Variants in NOL8 observed in about 807,000 individuals in gnomAD.
The protein encoded by NOL8 is nucleolar protein 8.
Under a neutral mutation model 116.1 loss-of-function variants are expected in NOL8, and 93 were observed. That is an observed-to-expected ratio of 0.80 (90% CI 0.68 to 0.95). The LOEUF (loss-of-function observed/expected upper bound fraction) is 0.95. Ranked by LOEUF, NOL8 falls within the 40% of genes least tolerant of loss-of-function variation. The probability of loss-of-function intolerance (pLI) is 0.00; values close to 1 mark genes in which losing one functional copy is unlikely to be tolerated. For synonymous variants in NOL8, 419 were observed against 469.0 expected (o/e 0.89, Z 1.38); for missense variants, 1,291 against 1,382.8 (o/e 0.93, Z 1.05).
chr9:92,314,425 T>C lies in NOL8; in HGVS notation c.2200A>G (p.Ile734Val). ...PKVSSKDTREIKTDFSLSISN... is the reference protein window; with the variant it reads ...PKVSSKDTREVKTDFSLSISN... ...ATAGAAAGTGAGAAATCAGTTTTGA[T>C]TTCCCGAGTGTCCTTGGATGAGACC... Residue 734 changes from isoleucine to valine, a missense_variant, in exon 7 of 17, where the codon ATC becomes GTC. Ile to Val is a conservative substitution (Grantham distance 29, BLOSUM62 3). Transcript: ENST00000442668. The C allele has an allele frequency of 6.2e-7, 1 of 1,613,574 alleles. No homozygotes were observed. Among genetic ancestry groups the C allele is most frequent in the Non-Finnish European group, 8.5e-7 (1 of 1,179,542 alleles).
chr9:92,313,289 C>T (rs868074961), intron 7 of NOL8, among the ~76,000 whole-genome samples: 3 of 152,154 alleles, frequency 2.0e-5, no homozygotes, highest in African/African-American at 4.8e-5. Flanking sequence ...CGGAGCCGTT[C>T]GATTTGTTTT....
Position 92,314,532 on chromosome 9 carries a change from C to G in NOL8, c.2093G>C (p.Cys698Ser), listed in dbSNP as rs943618152. Residue 698 changes from cysteine to serine, a missense_variant, in exon 7 of 17, where the codon TGC becomes TCC. Cys to Ser is a moderately radical substitution (Grantham distance 112, BLOSUM62 -1). Coordinates refer to ENST00000442668, the MANE Select transcript of NOL8 (RefSeq NM_017948.6). The stretch of plus-strand genomic sequence containing the variant: ...AGCTTCTGTCTTTGTGGTACTATGG[C>G]AGCTGTCTTTGTCAAAGCCTATGTT... Reference protein sequence around the residue: ...THNIGFDKDSCHSTTKTEASQ... With the variant: ...THNIGFDKDSSHSTTKTEASQ... 2 of 1,613,628 alleles carry G rather than the reference C, an allele frequency of 1.2e-6. No homozygotes were observed. The highest frequency in any genetic ancestry group is 3.3e-5 in the Admixed American group (2 of 59,958).
Position 92,315,445 on chromosome 9 carries a change from C to T in NOL8, c.1180G>A (p.Val394Ile), listed in dbSNP as rs1187135322. Reference sequence around the variant, plus strand: ...TGTGAAAATTCTGTACTGTTTTTGACCTTAGCAACATTTTTTTTCATCGCA... The same window carrying T: ...TGTGAAAATTCTGTACTGTTTTTGATCTTAGCAACATTTTTTTTCATCGCA... ...IIAMKKNVAK[V>I]KNSTEFSQME... The change falls in exon 7 of 17, where the codon GTC becomes ATC. Residue 394 changes from valine (V) to isoleucine (I), a missense_variant. Physicochemically the swap from Val to Ile is conservative, Grantham distance 29. Transcript: ENST00000442668. 1 of 1,594,594 alleles carries T rather than the reference C, an allele frequency of 6.3e-7. No individual in the cohort carries two copies. The highest frequency in any genetic ancestry group is 1.3e-5 in the African/African-American group (1 of 74,728).
At chr9:92,305,937 CAAG>C (rs1268853104) in intron 11 of NOL8, 107 bp from the exon 12 acceptor site, 2 of 705,826 alleles carry the variant, frequency 2.8e-6, no homozygotes, top group Non-Finnish European at 5.0e-6. Flanking sequence ...AATTTTGCAG[CAAG>C]AAGAAGCCAT....
intron 7 of NOL8, among the ~76,000 whole-genome samples, chr9:92,311,555 A>G (rs1474708068): frequency 6.6e-6 from 1 of 152,220 alleles, no homozygotes. Flanking sequence ...CACAGCAGAC[A>G]CTTCTCAAAA....
chr9:92,310,561 C>T lies in NOL8; in HGVS notation c.2587G>A (p.Gly863Arg). The T allele has an allele frequency of 1.2e-6, 2 of 1,604,932 alleles. No homozygotes were observed. The highest frequency in any genetic ancestry group is 2.2e-5 in the East Asian group (1 of 44,846). The change falls in exon 9 of 17, where the codon GGA becomes AGA. Residue 863 changes from glycine (G) to arginine (R), a missense_variant. Transcript: ENST00000442668. ...TTTCAGTCTTCACTAACCTTCTGTCCAGCTCTGCCCTCAAACTGAGGTTTA... is the reference window on the plus strand; with the variant it reads ...TTTCAGTCTTCACTAACCTTCTGTCTAGCTCTGCCCTCAAACTGAGGTTTA... Reference protein sequence around the residue: ...KIKPQFEGRAGQKLMDLQSHF... With the variant: ...KIKPQFEGRARQKLMDLQSHF...
Position 92,317,711 on chromosome 9 carries a change from C to T in NOL8, c.486+907G>A, listed in dbSNP as rs1839535188. Among the ~76,000 whole-genome samples the T allele has an allele frequency of 2.6e-5, 4 of 152,100 alleles. No individual in the cohort carries two copies. In the South Asian group the frequency reaches 8.3e-4, roughly 32 times the overall value. ...CAAATACCTGCTACTGTTCCCCTTA[C>T]TGACTGACACCAGGGTTACAAGCTA... On this transcript the variant is annotated intron_variant, in intron 6 of 16. Coordinates refer to ENST00000442668, the MANE Select transcript of NOL8 (RefSeq NM_017948.6).
chr9:92,319,893 T>C (rs193187654), intron 4 of NOL8: 1 of 369,326 alleles, frequency 2.7e-6, no homozygotes, highest in African/African-American at 2.1e-5. Context: ...TCTTAGCCCA[T>C]CCACTACACT....
rs879256241 is a variant in NOL8 at position 92,324,329 on chromosome 9, T to G, written c.-48-120A>C. On this transcript the variant is annotated intron_variant, in intron 1 of 16. Transcript: ENST00000442668. ...ATCTGTATTTCACTTCCTATTGTAT[T>G]ACTTCCAAATTTTAGTCTTCGAGGT... The G allele has an allele frequency of 1.1e-4, 87 of 817,674 alleles. No homozygotes were observed. In the Admixed American group the frequency reaches 2.4e-3, roughly 23 times the overall value. 50.7% of individuals were successfully genotyped at this position (817,674 alleles called of 1,614,324 possible).
chr9:92,318,527 G>T (rs1302340553), intron 6 of NOL8, 91 bp downstream of exon 6: 3 of 905,542 alleles, frequency 3.3e-6, no homozygotes, highest in Non-Finnish European at 5.1e-6. Flanking sequence ...AACACCTAAA[G>T]ATTCACTGAT....
At chr9:92,306,448 G>C (rs1355849882) in intron 11 of NOL8, among the ~76,000 whole-genome samples, 2 of 152,144 alleles carry the variant, frequency 1.3e-5, no homozygotes, top group Admixed American at 1.3e-4. Flanking sequence ...GTTGGATAAA[G>C]GTATAGAAGA....
intron 13 of NOL8, chr9:92,300,507 A>G (rs1057109802): frequency 1.1e-5 from 11 of 991,584 alleles, no homozygotes; most frequent in Non-Finnish European, 1.3e-5. Context: ...ATCACCTCAC[A>G]AGTCTTCAAA....
intron 12 of NOL8, among the ~76,000 whole-genome samples, chr9:92,304,995 C>T (rs1838099312): frequency 6.6e-6 from 1 of 151,896 alleles, no homozygotes; most frequent in South Asian, 2.1e-4. Context: ...ATCCAACTGA[C>T]TGCACATCTA....
rs748424003 is a variant in NOL8 at position 92,301,591 on chromosome 9, C to T, written c.3135G>A (p.Thr1045=). Residue 1045 remains threonine, a synonymous_variant, in exon 13 of 17, where the codon ACG becomes ACA. Coordinates refer to ENST00000442668, the MANE Select transcript of NOL8 (RefSeq NM_017948.6). ...TAGTGTCTGAATCAAAAAAAGAGAACGTGAACCCGCTGGGCTGCTCAGCGT... is the reference window on the plus strand; with the variant it reads ...TAGTGTCTGAATCAAAAAAAGAGAATGTGAACCCGCTGGGCTGCTCAGCGT... ...TSDAEQPSGF[T]FSFFDSDTKD... 2.5e-5 allele frequency: 40 copies of T among 1,604,326 alleles called. No homozygotes were observed. Among genetic ancestry groups the T allele is most frequent in the East Asian group, 1.3e-4 (6 of 44,700 alleles).
intron 7 of NOL8, among the ~76,000 whole-genome samples, chr9:92,313,900 C>A (rs1454447111): frequency 6.6e-6 from 1 of 152,196 alleles, no homozygotes; most frequent in East Asian, 1.9e-4. Context: ...GATCACCATC[C>A]TCATACTATA....
rs778506921 is a variant in NOL8 at position 92,305,802 on chromosome 9, G to A, written c.2854C>T (p.Gln952Ter). 1 of 1,612,718 alleles carries A rather than the reference G, an allele frequency of 6.2e-7. No individual in the cohort carries two copies. The highest frequency in any genetic ancestry group is 8.5e-7 in the Non-Finnish European group (1 of 1,178,988). ...KDIIHYDPTKQDHATYERKRD... is the reference protein window; with the variant it reads ...KDIIHYDPTK ...TTTCTTTCGTAAGTGGCATGGTCTT[G>A]CTTCGTTGGATCATAATGTATGATG... The change falls in exon 12 of 17, where the codon CAA (glutamine) becomes TAA (stop). Residue 952 changes from glutamine to a stop codon, truncating the protein, a stop_gained. Transcript: ENST00000442668. LOFTEE classifies it high-confidence loss of function.
chr9:92,310,825 T>G (rs896911464), intron 8 of NOL8, 150 bp from the exon 9 acceptor site: 6 of 789,982 alleles, frequency 7.6e-6, no homozygotes, highest in Non-Finnish European at 9.8e-6. Context: ...AATTCCTGAC[T>G]CAGTGAAATC....
intron 3 of NOL8, 59 bp downstream of exon 3, chr9:92,323,382 T>C: frequency 6.5e-7 from 1 of 1,546,346 alleles, no homozygotes; most frequent in Non-Finnish European, 8.8e-7. Flanking sequence ...AACCAGTTAT[T>C]CCAAGTTACA....
At chr9:92,304,996 T>C (rs912944848) in intron 12 of NOL8, among the ~76,000 whole-genome samples, 1 of 151,990 alleles carries the variant, frequency 6.6e-6, no homozygotes, top group African/African-American at 2.4e-5. Context: ...TCCAACTGAC[T>C]GCACATCTAT....
Sources: allele counts gnomAD v4.1 joint callset (sites outside exome capture counted in the v4.1 genomes callset), GRCh38; gene constraint gnomAD v4.1.1; transcripts MANE v1.5; gene names NCBI Gene and HGNC (gene_info 2026-07-23, HGNC 2026-07-21).